The following ABLIM1 variants were observed in gnomAD, a reference collection of about 807,000 sequenced individuals.
ABLIM1 encodes the protein actin-binding LIM protein 1.
A neutral mutation model predicts 107.0 loss-of-function variants in ABLIM1; 40 were observed. The observed-to-expected ratio is 0.37, with a 90% CI of 0.29 to 0.49. The LOEUF is 0.49. Among genes scored for constraint, ABLIM1 ranks in the 20% least tolerant of loss-of-function variants. The pLI is 0.97. For missense variants in ABLIM1, 857 were observed against 1,008.5 expected (o/e 0.85, Z 2.04); for synonymous variants, 357 against 357.3 (o/e 1.00, Z 0.01).
exon 1 of ABLIM1, chr10:114,684,815 C>T (rs1057458116): frequency 1.2e-5 from 9 of 771,714 alleles, no homozygotes; most frequent in South Asian, 5.9e-5. Flanking sequence ...AGAAAAGGAT[C>T]GATTATTCCC....
intron 12 of ABLIM1, among the ~76,000 whole-genome samples, chr10:114,459,350 C>T (rs1172301524): frequency 1.3e-5 from 2 of 152,256 alleles, no homozygotes; most frequent in African/African-American, 4.8e-5. Context: ...AAGACATTGA[C>T]TTATCTCAAA....
intron 1 of ABLIM1, among the ~76,000 whole-genome samples, chr10:114,631,457 C>T (rs1373037375): frequency 6.6e-6 from 1 of 152,098 alleles, no homozygotes; most frequent in South Asian, 2.1e-4. Context: ...TCCTTTCAGC[C>T]GGATCTAGCG....
chr10:114,441,671 G>C lies in ABLIM1; in HGVS notation c.1998+51C>G. On this transcript the variant is annotated intron_variant, in intron 18 of 22. Transcript: ENST00000533213. ...AGGCAATGTGTCAATACTTCAACCAGGGCCGAGGTGGGAGTAAAGGCAGAA... is the reference window on the plus strand; with the variant it reads ...AGGCAATGTGTCAATACTTCAACCACGGCCGAGGTGGGAGTAAAGGCAGAA... 3 of 1,536,150 alleles carry C rather than the reference G, an allele frequency of 2.0e-6. No individual in the cohort carries two copies. In the East Asian group the frequency reaches 6.7e-5, roughly 35 times the overall value.
At chr10:114,631,802 C>A (rs944206769) in intron 1 of ABLIM1, 5 of 1,225,704 alleles carry the variant, frequency 4.1e-6, no homozygotes, top group Middle Eastern at 2.2e-4. Context: ...GAGAACATGT[C>A]CGCCCGGCTT....
intron 1 of ABLIM1, among the ~76,000 whole-genome samples, chr10:114,613,329 C>A (rs1408317897): frequency 6.6e-6 from 1 of 152,204 alleles, no homozygotes; most frequent in Non-Finnish European, 1.5e-5. Context: ...GGAGCTCTAA[C>A]CTGCTTGGGA....
chr10:114,521,627 A>G (rs1295540049), intron 6 of ABLIM1, among the ~76,000 whole-genome samples: 1 of 152,154 alleles, frequency 6.6e-6, no homozygotes, highest in Non-Finnish European at 1.5e-5. Flanking sequence ...AAAAGAGAGT[A>G]GAAATTTACT....
intron 1 of ABLIM1, among the ~76,000 whole-genome samples, chr10:114,678,915 G>C (rs1397027362): frequency 6.6e-6 from 1 of 152,088 alleles, no homozygotes; most frequent in African/African-American, 2.4e-5. Context: ...AATACCACTG[G>C]TACTGCATAG....
intron 1 of ABLIM1, among the ~76,000 whole-genome samples, chr10:114,675,213 A>G (rs2080428835): frequency 6.6e-6 from 1 of 152,102 alleles, no homozygotes; most frequent in Admixed American, 6.5e-5. Context: ...TGAAGCCTAC[A>G]TTACAATAAG....
intron 5 of ABLIM1, 55 bp from the exon 6 acceptor site, chr10:114,545,153 A>T (rs1261815859): frequency 6.7e-7 from 1 of 1,500,908 alleles, no homozygotes; most frequent in South Asian, 1.1e-5. Flanking sequence ...GCTGGAGAAG[A>T]CACCAAAACC....
chr10:114,557,268 G>C (rs2068873190), intron 4 of ABLIM1, among the ~76,000 whole-genome samples: 1 of 152,168 alleles, frequency 6.6e-6, no homozygotes, highest in Non-Finnish European at 1.5e-5. Context: ...TAATGGCCAT[G>C]CTGGACACAC....
chr10:114,718,946 G>A (rs969345487), intron 1 of ABLIM1, among the ~76,000 whole-genome samples: 6 of 152,190 alleles, frequency 3.9e-5, no homozygotes, highest in Non-Finnish European at 7.3e-5. Context: ...CTACCTCCAG[G>A]AGTATAAGTG....
chr10:114,669,641 G>C (rs2080168569), intron 1 of ABLIM1, among the ~76,000 whole-genome samples: 1 of 152,198 alleles, frequency 6.6e-6, no homozygotes, highest in Admixed American at 6.5e-5. Flanking sequence ...GGAGAACAAA[G>C]TGCTTTGCTT....
At chr10:114,732,750 G>A (rs2082102359) in intron 1 of ABLIM1, among the ~76,000 whole-genome samples, 1 of 151,814 alleles carries the variant, frequency 6.6e-6, no homozygotes. Flanking sequence ...CTAGAAAAAA[G>A]GAAAAGATTA....
chr10:114,638,845 CATCATA>C (rs531286669), intron 1 of ABLIM1, among the ~76,000 whole-genome samples: 116 of 152,276 alleles, frequency 7.6e-4, no homozygotes, highest in Middle Eastern at 3.4e-3. Flanking sequence ...AGGTGAATAG[CATCATA>C]ACCTTGGTCT....
At chr10:114,442,874 T>C (rs947112099) in intron 17 of ABLIM1, among the ~76,000 whole-genome samples, 4 of 151,956 alleles carry the variant, frequency 2.6e-5, no homozygotes, top group Non-Finnish European at 5.9e-5. Flanking sequence ...AGAGTCTCAC[T>C]CTCACCCAGG....
chr10:114,607,950 T>C (rs1027973429), intron 1 of ABLIM1, among the ~76,000 whole-genome samples: 3 of 152,214 alleles, frequency 2.0e-5, no homozygotes, highest in Non-Finnish European at 2.9e-5. Flanking sequence ...CCAGTAATTA[T>C]AACAAGTGTG....
chr10:114,599,650 G>A (rs771671642), intron 2 of ABLIM1, among the ~76,000 whole-genome samples: 7 of 151,830 alleles, frequency 4.6e-5, no homozygotes, highest in South Asian at 2.1e-4. Context: ...AGCTGGGCAC[G>A]GTGGCAGGTA....
In ABLIM1 at chr10:114,646,099, C is replaced by T. The variant is rs561170000; in HGVS notation, c.244+11858G>A. On this transcript the variant is annotated intron_variant, in intron 1 of 22. Transcript: ENST00000533213. ...TATCTCTAGCAAGATGAAAACACTC[C>T]GCATATGTATTGTATTTGTTGGGAT... Among the ~76,000 whole-genome samples the T allele has an allele frequency of 2.1e-4, 32 of 152,266 alleles. No individual in the cohort carries two copies. In the South Asian group the frequency reaches 4.8e-3, roughly 23 times the overall value.
At chr10:114,730,353 G>A (rs752797517) in intron 1 of ABLIM1, among the ~76,000 whole-genome samples, 6 of 147,544 alleles carry the variant, frequency 4.1e-5, no homozygotes, top group Non-Finnish European at 5.9e-5. Context: ...AGCCGAGATC[G>A]TGCCACTGCA....
Sources: allele counts gnomAD v4.1 joint callset (sites outside exome capture counted in the v4.1 genomes callset), GRCh38; gene constraint gnomAD v4.1.1; transcripts MANE v1.5; gene names NCBI Gene and HGNC (gene_info 2026-07-23, HGNC 2026-07-21).